Variants in DLC1 observed in about 807,000 individuals in gnomAD.
DLC1 encodes DLC1 Rho GTPase activating protein, also known as rho GTPase-activating protein 7.
In DLC1, 54 loss-of-function variants were observed where a neutral mutation model predicts 140.3. The observed-to-expected ratio is 0.38, with a 90% CI of 0.31 to 0.48. The LOEUF is 0.48. DLC1 is among the 20% of genes least tolerant of loss of function. The probability of loss-of-function intolerance (pLI) is 0.96; values close to 1 mark genes in which losing one functional copy is unlikely to be tolerated. For synonymous variants in DLC1, 986 were observed against 728.1 expected (o/e 1.35, Z -5.70); for missense variants, 2,536 against 1,907.0 (o/e 1.33, Z -6.14).
chr8:13,579,330 T>C (rs1804966251), intron 1 of DLC1, among the ~76,000 whole-genome samples: 1 of 16,328 alleles, frequency 6.1e-5, no homozygotes, highest in Non-Finnish European at 1.1e-4. Context: ...TATATATATA[T>C]ATATATATAT....
At chr8:13,525,294 G>T (rs1026976874) in intron 1 of DLC1, among the ~76,000 whole-genome samples, 1 of 152,180 alleles carries the variant, frequency 6.6e-6, no homozygotes, top group African/African-American at 2.4e-5. Context: ...AAATCAAGCT[G>T]CTATGAATAT....
At chr8:13,150,476 G>C (rs747878262) in intron 5 of DLC1, among the ~76,000 whole-genome samples, 138 of 152,086 alleles carry the variant, frequency 9.1e-4, no homozygotes, top group Non-Finnish European at 1.6e-3. Flanking sequence ...GATGAGCCAT[G>C]GTGTGTAACC....
At chr8:13,547,686 G>C (rs574034115) in intron 1 of DLC1, among the ~76,000 whole-genome samples, 2 of 152,118 alleles carry the variant, frequency 1.3e-5, no homozygotes, top group East Asian at 1.9e-4. Context: ...ATTTTATCTA[G>C]CTATTTGTTA....
At chr8:13,186,407 A>G (rs912153544) in intron 5 of DLC1, among the ~76,000 whole-genome samples, 12 of 152,048 alleles carry the variant, frequency 7.9e-5, no homozygotes, top group Non-Finnish European at 1.3e-4. Context: ...TTGATCTTCA[A>G]TCACTGATAC....
intron 4 of DLC1, among the ~76,000 whole-genome samples, chr8:13,315,718 C>G (rs62492884): frequency 2.6e-5 from 4 of 151,990 alleles, no homozygotes; most frequent in African/African-American, 9.7e-5. Context: ...ACCCAGCTTT[C>G]CTTTCTATCC....
At chr8:13,103,075 C>T (rs909845048) in intron 7 of DLC1, among the ~76,000 whole-genome samples, 1 of 152,088 alleles carries the variant, frequency 6.6e-6, no homozygotes, top group Non-Finnish European at 1.5e-5. Context: ...CTTTGGGAGG[C>T]CTAGGCGGGT....
chr8:13,560,480 C>T (rs915165431), intron 1 of DLC1, among the ~76,000 whole-genome samples: 22 of 152,082 alleles, frequency 1.4e-4, no homozygotes. Flanking sequence ...AGGTAGGTTC[C>T]TCTATTTAAC....
At chr8:13,304,988 A>G in intron 5 of DLC1, 5 of 1,078,712 alleles carry the variant, frequency 4.6e-6, no homozygotes, top group Non-Finnish European at 5.6e-6. Flanking sequence ...CTTGATCAAC[A>G]TTTAATTCTT....
chr8:13,428,379 A>G (rs1237326697), intron 2 of DLC1, among the ~76,000 whole-genome samples: 3 of 152,222 alleles, frequency 2.0e-5, no homozygotes, highest in Non-Finnish European at 4.4e-5. Context: ...GAATGTTTGA[A>G]TAATCAAATC....
At chr8:13,143,944 A>G (rs1361420371) in intron 5 of DLC1, among the ~76,000 whole-genome samples, 2 of 152,112 alleles carry the variant, frequency 1.3e-5, no homozygotes, top group Non-Finnish European at 2.9e-5. Flanking sequence ...AGGCTTTAAG[A>G]GAGGCTGACC....
At chr8:13,305,019 G>T in intron 5 of DLC1, 1 of 1,113,102 alleles carries the variant, frequency 9.0e-7, no homozygotes, top group Non-Finnish European at 1.1e-6. Flanking sequence ...AAAAAAAATT[G>T]TGGTTGCAGT....
chr8:13,364,465 A>C (rs1386961160), intron 4 of DLC1, among the ~76,000 whole-genome samples: 3 of 152,006 alleles, frequency 2.0e-5, no homozygotes, highest in African/African-American at 7.2e-5. Context: ...CGCCAGGCTA[A>C]TTTTGTATTT....
chr8:13,306,820 A>C (rs1467859510), intron 4 of DLC1, among the ~76,000 whole-genome samples: 1 of 151,882 alleles, frequency 6.6e-6, no homozygotes, highest in African/African-American at 2.4e-5. Context: ...ACCGTGGCTC[A>C]CCCCTGTAAT....
chr8:13,233,440 G>C (rs1235167579), intron 5 of DLC1, among the ~76,000 whole-genome samples: 20 of 151,176 alleles, frequency 1.3e-4, no homozygotes, highest in Admixed American at 1.2e-3. Context: ...ATTTTTATAT[G>C]GAAGAGATTT....
chr8:13,546,721 G>A (rs1803659769), intron 1 of DLC1, among the ~76,000 whole-genome samples: 2 of 152,096 alleles, frequency 1.3e-5, no homozygotes, highest in South Asian at 4.1e-4. Flanking sequence ...GGCCATGCTT[G>A]CAACAAGCTC....
intron 5 of DLC1, among the ~76,000 whole-genome samples, chr8:13,275,612 A>T (rs1831130138): frequency 1.3e-5 from 2 of 152,018 alleles, no homozygotes; most frequent in Admixed American, 6.5e-5. Flanking sequence ...TCCTCACTGG[A>T]CCCCTGCAAA....
At chr8:13,456,063 C>G (rs183516968) in intron 2 of DLC1, among the ~76,000 whole-genome samples, 1 of 152,132 alleles carries the variant, frequency 6.6e-6, no homozygotes, top group Non-Finnish European at 1.5e-5. Context: ...AGCTTTGTGT[C>G]AAAGGGGAAA....
chr8:13,295,942 GTTTTTTTTTTTT>G (rs71207138), intron 5 of DLC1, among the ~76,000 whole-genome samples: 3 of 72,874 alleles, frequency 4.1e-5, no homozygotes, highest in Non-Finnish European at 7.3e-5. Flanking sequence ...AAGATTCTTT[GTTTTTTTTTTTT>G]TTTTTTTTTT....
At chr8:13,424,112 G>T (rs1467802208) in intron 2 of DLC1, among the ~76,000 whole-genome samples, 1 of 152,102 alleles carries the variant, frequency 6.6e-6, no homozygotes, top group African/African-American at 2.4e-5. Context: ...CACAGCAACA[G>T]TGTTCTGGCA....
Sources: allele counts gnomAD v4.1 joint callset (sites outside exome capture counted in the v4.1 genomes callset), GRCh38; gene constraint gnomAD v4.1.1; transcripts MANE v1.5; gene names NCBI Gene and HGNC (gene_info 2026-07-23, HGNC 2026-07-21).